The following SIGLEC5 variants were observed in gnomAD, a reference collection of about 807,000 sequenced individuals.
SIGLEC5 encodes the protein sialic acid binding Ig like lectin 5, also known as sialic acid-binding Ig-like lectin 5.
Under a neutral mutation model 45.9 loss-of-function variants are expected in SIGLEC5, and 34 were observed. The ratio of observed to expected loss-of-function variants is 0.74; its 90% CI spans 0.56 to 0.99. The LOEUF (loss-of-function observed/expected upper bound fraction) is 0.99. Among genes scored for constraint, SIGLEC5 ranks in the 50% least tolerant of loss-of-function variants. The probability of loss-of-function intolerance (pLI) is 0.00; values close to 1 mark genes in which losing one functional copy is unlikely to be tolerated. For synonymous variants in SIGLEC5, 203 were observed against 258.6 expected, an observed-to-expected ratio of 0.79 and a Z score of 2.06; for missense variants, 508 against 629.6, an observed-to-expected ratio of 0.81 and a Z score of 2.07.
intron 8 of SIGLEC5, among the ~76,000 whole-genome samples, chr19:51,624,921 G>A (rs577045414): frequency 6.6e-6 from 1 of 151,976 alleles, no homozygotes; most frequent in Non-Finnish European, 1.5e-5. Flanking sequence ...CCGAGGTTGC[G>A]CCAGTGCACT....
At chr19:51,625,766 T>A (rs899243447) in intron 8 of SIGLEC5, among the ~76,000 whole-genome samples, 14 of 151,528 alleles carry the variant, frequency 9.2e-5, no homozygotes, top group African/African-American at 3.2e-4. Context: ...GGAGGTGGAG[T>A]TTGCAGTGAG....
intron 8 of SIGLEC5, among the ~76,000 whole-genome samples, chr19:51,622,466 G>GAA (rs34333806): frequency 8.2e-5 from 12 of 145,906 alleles, no homozygotes; most frequent in East Asian, 2.0e-4. Flanking sequence ...ACATTAAAGT[G>GAA]AAAAAAAAAA....
intron 7 of SIGLEC5, among the ~76,000 whole-genome samples, chr19:51,626,497 G>A (rs537821857): frequency 1.1e-4 from 16 of 152,110 alleles, no homozygotes; most frequent in Non-Finnish European, 1.9e-4. Flanking sequence ...ATGAAGTATC[G>A]ATGCATGCTA....
At position 51,627,885 on chromosome 19, in the gene SIGLEC5, C is replaced by T. The variant is rs777507456; in HGVS notation, c.946G>A (p.Ala316Thr). The change falls in exon 5 of 9, where the codon GCT becomes ACT. Residue 316 changes from alanine (A) to threonine (T), a missense_variant. Transcript: ENST00000683636. ...TGCAGGAAGCCCAGCGGGTGCTGAGCGCGGCAGGTGAAGCCTCCTTCTTCT... is the reference window on the plus strand; with the variant it reads ...TGCAGGAAGCCCAGCGGGTGCTGAGTGCGGCAGGTGAAGCCTCCTTCTTCT... ...SAEEGGFTCR[A>T]QHPLGFLQIF... 17 of 1,613,006 alleles carry T rather than the reference C, an allele frequency of 1.1e-5. 1 individual carries two copies. Among genetic ancestry groups the T allele is most frequent in the East Asian group, 4.5e-5 (2 of 44,874 alleles).
intron 7 of SIGLEC5, among the ~76,000 whole-genome samples, chr19:51,626,764 ACT>A (rs1474964465): frequency 4.6e-5 from 7 of 152,114 alleles, no homozygotes; most frequent in African/African-American, 7.2e-5. Context: ...CAGATGCATA[ACT>A]CTGTCAATAT....
Position 51,612,438 on chromosome 19 carries a change from G to A in SIGLEC5, c.1465-16C>T. On this transcript the variant is annotated splice_polypyrimidine_tract_variant and intron_variant, in intron 8 of 8. Coordinates refer to ENST00000683636, the MANE Select transcript of SIGLEC5 (RefSeq NM_003830.4). Reference sequence around the variant, plus strand: ...TCCTGGAACCCTGAGTAAAGGGGAAGGAAAGGTGTCACAGTAGGAATAAAG... The same window carrying A: ...TCCTGGAACCCTGAGTAAAGGGGAAAGAAAGGTGTCACAGTAGGAATAAAG... 1 of 1,580,896 alleles carries A rather than the reference G, an allele frequency of 6.3e-7. No individual in the cohort carries two copies. The highest frequency in any genetic ancestry group is 1.1e-5 in the South Asian group (1 of 87,664).
In SIGLEC5 at chr19:51,611,606, G is replaced by C. The variant is rs1265578006; in HGVS notation, c.*625C>G. ...GTTAGACTCAACTCTTTGGCTGTTG[G>C]AAGGATTCCTATGGGTCTCATAAAT... On this transcript the variant is annotated 3_prime_UTR_variant, in exon 9 of 9. Transcript: ENST00000683636. Among the ~76,000 whole-genome samples the C allele has an allele frequency of 3.9e-5, 6 of 152,218 alleles. No homozygotes were observed. The highest frequency in any genetic ancestry group is 1.2e-4 in the African/African-American group (5 of 41,444).
At chr19:51,626,174 C>T in intron 7 of SIGLEC5, 61 bp from the exon 8 acceptor site, 1 of 1,336,188 alleles carries the variant, frequency 7.5e-7, no homozygotes. Context: ...AGCGGGTTGT[C>T]CCATCCCATG....
In SIGLEC5 at chr19:51,628,107, G is replaced by A. The variant is rs1167247268; in HGVS notation, c.740-16C>T. On this transcript the variant is annotated splice_polypyrimidine_tract_variant and intron_variant, in intron 4 of 8. Coordinates refer to ENST00000683636, the MANE Select transcript of SIGLEC5 (RefSeq NM_003830.4). ...ATCTCTAGGGCTTTGGGGAGAGAAG[G>A]GTGGGGAAAGAGAGATGGGGCCAGG... The A allele has an allele frequency of 6.7e-7, 1 of 1,503,208 alleles. No homozygotes were observed. Among genetic ancestry groups the A allele is most frequent in the East Asian group, 2.4e-5 (1 of 42,476 alleles). 93.1% of individuals were successfully genotyped at this position (1,503,208 alleles called of 1,614,324 possible).
In SIGLEC5 at chr19:51,626,022, A is replaced by G. The variant is rs771837430; in HGVS notation, c.1464+10T>C. On this transcript the variant is annotated intron_variant, in intron 8 of 8. Transcript: ENST00000683636. ...GGACATGCACATGAGAAGATCCCCAAACCACTCACCGAGGTGATGGTACCC... is the reference window on the plus strand; with the variant it reads ...GGACATGCACATGAGAAGATCCCCAGACCACTCACCGAGGTGATGGTACCC... The G allele has an allele frequency of 1.2e-6, 2 of 1,611,688 alleles. No individual in the cohort carries two copies. The highest frequency in any genetic ancestry group is 3.3e-5 in the Admixed American group (2 of 60,024).
chr19:51,621,691 C>T (rs992027392), intron 8 of SIGLEC5: 12 of 152,072 alleles, frequency 7.9e-5, no homozygotes, highest in Non-Finnish European at 1.5e-4. Flanking sequence ...GATCAGCAGG[C>T]TTATAAATAA....
intron 8 of SIGLEC5, among the ~76,000 whole-genome samples, chr19:51,614,919 G>A (rs562308139): frequency 1.3e-5 from 2 of 152,250 alleles, no homozygotes; most frequent in South Asian, 2.1e-4. Flanking sequence ...GTAACAATCC[G>A]AGACAGATAC....
chr19:51,620,165 A>G (rs1312893656), intron 8 of SIGLEC5, among the ~76,000 whole-genome samples: 1 of 152,084 alleles, frequency 6.6e-6, no homozygotes, highest in African/African-American at 2.4e-5. Context: ...TAGTGACGCC[A>G]CCAGGCCCAG....
intron 6 of SIGLEC5, 78 bp downstream of exon 6, chr19:51,627,384 T>A (rs1106476): frequency 0.11 from 173,810 of 1,550,896 alleles, 10,388 homozygotes; most frequent in Non-Finnish European, 0.12. Flanking sequence ...CAGTCCAGCC[T>A]CTCTCTCCCA....
chr19:51,617,031 G>A (rs954173148), intron 8 of SIGLEC5, among the ~76,000 whole-genome samples: 6 of 151,942 alleles, frequency 3.9e-5, no homozygotes, highest in South Asian at 2.1e-4. Context: ...CGAGGCTGGC[G>A]GATCACAAGG....
intron 8 of SIGLEC5, among the ~76,000 whole-genome samples, chr19:51,625,777 C>G (rs2122632755): frequency 6.6e-6 from 1 of 152,240 alleles, no homozygotes; most frequent in East Asian, 1.9e-4. Context: ...TTGCAGTGAG[C>G]CAAGATCGCA....
chr19:51,624,163 A>AAT (rs1353789906), intron 8 of SIGLEC5, among the ~76,000 whole-genome samples: 2 of 152,104 alleles, frequency 1.3e-5, no homozygotes, highest in Non-Finnish European at 2.9e-5. Context: ...TGTCTCAAAA[A>AAT]ATATATATAT....
chr19:51,627,751 G>C lies in SIGLEC5; in HGVS notation c.998-5C>G. ...GGCCCAGCAACTGTGGGAGGGCTGT[G>C]GGGAGGGAGGACAGAACTCAGCAGG... On this transcript the variant is annotated splice_region_variant and splice_polypyrimidine_tract_variant and intron_variant, in intron 5 of 8. Coordinates refer to ENST00000683636, the MANE Select transcript of SIGLEC5 (RefSeq NM_003830.4). 1 of 1,577,738 alleles carries C rather than the reference G, an allele frequency of 6.3e-7. No individual in the cohort carries two copies. Among genetic ancestry groups the C allele is most frequent in the Non-Finnish European group, 8.6e-7 (1 of 1,160,002 alleles).
At chr19:51,620,058 A>AAAAAATATAT (rs1555788062) in intron 8 of SIGLEC5, among the ~76,000 whole-genome samples, 1 of 149,026 alleles carries the variant, frequency 6.7e-6, no homozygotes, top group East Asian at 2.0e-4. Flanking sequence ...CTTTTGTCAA[A>AAAAAATATAT]ATATATATAT....
Sources: allele counts gnomAD v4.1 joint callset (sites outside exome capture counted in the v4.1 genomes callset), GRCh38; gene constraint gnomAD v4.1.1; transcripts MANE v1.5; gene names NCBI Gene and HGNC (gene_info 2026-07-23, HGNC 2026-07-21).